CFAP96: variants seen among roughly 807,000 people sequenced by gnomAD.
CFAP96 encodes the protein cilia and flagella associated protein 96, also known as cilia-and flagella-associated protein 96.
chr4:185,445,618 C>A, the CFAP96 span: 3 of 957,506 alleles, frequency 3.1e-6, no homozygotes, highest in East Asian at 2.5e-5. Flanking sequence ...AGTATATTAT[C>A]AAGGTATCTT....
the CFAP96 span, chr4:185,449,553 C>A: frequency 1.6e-6 from 2 of 1,258,080 alleles, no homozygotes; most frequent in Non-Finnish European, 1.1e-6. Flanking sequence ...AGGTATTTGA[C>A]TTGCACCTAT....
the CFAP96 span, chr4:185,429,296 A>G: frequency 3.6e-6 from 2 of 561,832 alleles, no homozygotes; most frequent in African/African-American, 4.0e-5. Context: ...CTTTTTTCTA[A>G]ACTTTTCCCC....
At chr4:185,438,343 C>G in the CFAP96 span, among the ~76,000 whole-genome samples, 2 of 152,092 alleles carry the variant, frequency 1.3e-5, no homozygotes, top group African/African-American at 4.8e-5. Flanking sequence ...ACTCACCAAT[C>G]TATTTTTCTG....
chr4:185,419,920 G>A, the CFAP96 span, among the ~76,000 whole-genome samples: 1 of 151,978 alleles, frequency 6.6e-6, no homozygotes, highest in East Asian at 1.9e-4. Flanking sequence ...AATTCTCTTG[G>A]GTGATCACCT....
At chr4:185,413,708 ATAAT>A in the CFAP96 span, 3 of 1,596,262 alleles carry the variant, frequency 1.9e-6, no homozygotes, top group African/African-American at 1.4e-5. Context: ...ACTCCCATAA[ATAAT>A]TAGTTAAACT....
the CFAP96 span, among the ~76,000 whole-genome samples, chr4:185,443,817 A>T: frequency 6.6e-6 from 1 of 151,540 alleles, no homozygotes. Context: ...TATACTTGTA[A>T]ATTAATTTAT....
chr4:185,419,566 C>T, the CFAP96 span, among the ~76,000 whole-genome samples: 3 of 152,202 alleles, frequency 2.0e-5, no homozygotes, highest in Non-Finnish European at 2.9e-5. Context: ...CATCCAGCTT[C>T]CTTTGCAAAA....
the CFAP96 span, among the ~76,000 whole-genome samples, chr4:185,441,757 G>A: frequency 6.6e-6 from 1 of 151,850 alleles, no homozygotes; most frequent in African/African-American, 2.4e-5. Context: ...TGTAAAGAGT[G>A]AGGTAAGAAT....
chr4:185,433,825 C>T, the CFAP96 span, among the ~76,000 whole-genome samples: 1 of 151,838 alleles, frequency 6.6e-6, no homozygotes, highest in Non-Finnish European at 1.5e-5. Flanking sequence ...TCACTTGAAC[C>T]CAGGAGGCGG....
chr4:185,439,932 TA>T, the CFAP96 span, among the ~76,000 whole-genome samples: 2,609 of 145,558 alleles, frequency 0.018, 38 homozygotes, highest in Middle Eastern at 0.027. Flanking sequence ...ATGATATATA[TA>T]CATATATGTA....
the CFAP96 span, among the ~76,000 whole-genome samples, chr4:185,412,130 A>G: frequency 2.6e-5 from 4 of 152,308 alleles, no homozygotes; most frequent in Non-Finnish European, 1.5e-5. Flanking sequence ...GTGCTTTACA[A>G]TTTGCATATG....
the CFAP96 span, among the ~76,000 whole-genome samples, chr4:185,433,541 T>TAA: frequency 0.23 from 34,670 of 152,006 alleles, 4,754 homozygotes; most frequent in African/African-American, 0.38. Flanking sequence ...AAAACTACTT[T>TAA]GTATAACTTA....
the CFAP96 span, among the ~76,000 whole-genome samples, chr4:185,439,733 A>G: frequency 2.0e-5 from 3 of 149,560 alleles, no homozygotes; most frequent in African/African-American, 4.9e-5. Flanking sequence ...TAGACATGTA[A>G]TATATAATAT....
chr4:185,424,667 T>C, the CFAP96 span, among the ~76,000 whole-genome samples: 1 of 152,182 alleles, frequency 6.6e-6, no homozygotes, highest in Non-Finnish European at 1.5e-5. Flanking sequence ...AAATAAAGAA[T>C]ACTACCAAAC....
the CFAP96 span, among the ~76,000 whole-genome samples, chr4:185,423,941 T>C: frequency 3.3e-5 from 5 of 152,254 alleles, no homozygotes; most frequent in South Asian, 1.0e-3. Flanking sequence ...TGAAGAACCA[T>C]AGTACACACT....
chr4:185,417,503 T>C, the CFAP96 span, among the ~76,000 whole-genome samples: 1 of 152,204 alleles, frequency 6.6e-6, no homozygotes, highest in Non-Finnish European at 1.5e-5. Context: ...TATCCCTAAA[T>C]ATCTCTTGTA....
At chr4:185,413,689 G>T in the CFAP96 span, 1 of 1,575,324 alleles carries the variant, frequency 6.3e-7, no homozygotes, top group South Asian at 1.2e-5. Flanking sequence ...TAACATTACT[G>T]ATCCAGTGAC....
At chr4:185,447,422 C>T in the CFAP96 span, among the ~76,000 whole-genome samples, 7 of 152,178 alleles carry the variant, frequency 4.6e-5, no homozygotes, top group East Asian at 7.7e-4. Context: ...CCTCGTGATC[C>T]ACCCACCTTG....
At chr4:185,449,633 C>G in the CFAP96 span, 12 of 1,539,614 alleles carry the variant, frequency 7.8e-6, no homozygotes, top group Non-Finnish European at 1.1e-5. Context: ...TTCTTCAGTA[C>G]CATCCTATTA....
Sources: gnomAD v4.1 joint callset for allele counts (sites outside exome capture counted in the v4.1 genomes callset) on GRCh38, gnomAD v4.1.1 for gene constraint, MANE v1.5 for transcripts, NCBI Gene and HGNC (gene_info 2026-07-23, HGNC 2026-07-21) for gene names.